The following CAPN8 variants were observed in gnomAD, a reference collection of about 807,000 sequenced individuals.
CAPN8 encodes the protein calpain 8.
CAPN8 carries 87 observed loss-of-function variants against 80.9 expected under a neutral mutation model. That is an observed-to-expected ratio of 1.07 (90% confidence interval 0.90 to 1.28). The LOEUF is 1.28. CAPN8 is among the 50% of genes most tolerant of loss of function. The pLI, the probability that CAPN8 is intolerant of heterozygous loss-of-function variation, is 0.00. For synonymous variants in CAPN8, 299 were observed against 273.8 expected (o/e 1.09, Z -0.91); for missense variants, 757 against 702.0 (o/e 1.08, Z -0.89).
intron 20 of CAPN8, among the ~76,000 whole-genome samples, chr1:223,542,547 G>C (rs1284614098): frequency 6.6e-6 from 1 of 152,096 alleles, no homozygotes; most frequent in African/African-American, 2.4e-5. Flanking sequence ...CAAGTCAAAG[G>C]CCAATGCCTC....
intron 6 of CAPN8, among the ~76,000 whole-genome samples, chr1:223,623,469 G>A (rs893948821): frequency 8.5e-5 from 13 of 152,116 alleles, no homozygotes; most frequent in Non-Finnish European, 1.0e-4. Flanking sequence ...CAGGCAGTCC[G>A]TCTCCAAAGC....
At chr1:223,634,117 C>A (rs1043194680) in intron 2 of CAPN8, among the ~76,000 whole-genome samples, 1 of 152,172 alleles carries the variant, frequency 6.6e-6, no homozygotes, top group Non-Finnish European at 1.5e-5. Context: ...AGATGAGAGA[C>A]AACGGAAGTG....
Position 223,622,886 on chromosome 1 carries a change from G to T in CAPN8, c.828C>A (p.Gly276=). 1 of 1,551,614 alleles carries T rather than the reference G, an allele frequency of 6.4e-7. No homozygotes were observed. The highest frequency in any genetic ancestry group is 8.7e-7 in the Non-Finnish European group (1 of 1,146,912). ...VTGVEEVNFQ[G]HPEKLIRLRN... ...TGAGTCTGATCAGCTTCTCTGGATGGCCCTGGAAATTCACCTGCAAATTCC... is the reference window on the plus strand; with the variant it reads ...TGAGTCTGATCAGCTTCTCTGGATGTCCCTGGAAATTCACCTGCAAATTCC... The change falls in exon 7 of 21, where the codon GGC becomes GGA. Residue 276 remains glycine, a synonymous_variant. Transcript: ENST00000366872.
intron 6 of CAPN8, among the ~76,000 whole-genome samples, chr1:223,624,142 A>G (rs1450058007): frequency 3.3e-5 from 5 of 152,160 alleles, no homozygotes; most frequent in African/African-American, 1.2e-4. Context: ...AAGTGGTGCA[A>G]TCACTGCAGG....
chr1:223,665,635 C>A lies in CAPN8; in HGVS notation c.12G>T (p.Gln4His). MAA[Q>H]AAGVSRQRAA... is the part of the protein sequence containing the mutation. The stretch of plus-strand genomic sequence containing the variant: ...CCCGCTGCCTAGATACACCAGCTGC[C>A]TGGGCTGCCATGGCCGTGGGCTCTG... The change falls in exon 1 of 21, where the codon CAG (glutamine) becomes CAT (histidine). Residue 4 changes from glutamine (Q) to histidine (H), a missense_variant. By Grantham distance (24) the Gln-to-His change is conservative. Coordinates refer to ENST00000366872, the MANE Select transcript of CAPN8 (RefSeq NM_001143962.2). 1 of 1,551,366 alleles carries A rather than the reference C, an allele frequency of 6.4e-7. No individual in the cohort carries two copies. The highest frequency in any genetic ancestry group is 1.7e-4 in the Middle Eastern group (1 of 5,730).
intron 1 of CAPN8, among the ~76,000 whole-genome samples, chr1:223,663,371 C>T (rs182157021): frequency 5.9e-5 from 9 of 152,294 alleles, no homozygotes; most frequent in African/African-American, 2.2e-4. Flanking sequence ...CCCTTGGGAT[C>T]TGCAATGGTA....
chr1:223,665,551 G>A lies in CAPN8; in HGVS notation c.96C>T (p.Phe32=). 6.4e-7 allele frequency: 1 copy of A among 1,551,722 alleles called. No homozygotes were observed. Among genetic ancestry groups the A allele is most frequent in the Non-Finnish European group, 8.7e-7 (1 of 1,147,010 alleles). The part of the protein sequence containing the change: ...QNALKYLGQD[F]KTLRQQCLDS... ...CCAAGCACTGTTGCCTCAGGGTCTT[G>A]AAATCCTGGCCCAAGTACTTCAAAG... The change falls in exon 1 of 21, where the codon TTC becomes TTT. Residue 32 remains phenylalanine, a synonymous_variant. Coordinates refer to ENST00000366872, the MANE Select transcript of CAPN8 (RefSeq NM_001143962.2).
At chr1:223,625,725 C>T in intron 6 of CAPN8, 80 bp downstream of exon 6, 2 of 1,288,390 alleles carry the variant, frequency 1.6e-6, no homozygotes, top group South Asian at 1.3e-5. Flanking sequence ...TAGTAATCAC[C>T]TCTTTCCTCC....
chr1:223,622,150 G>C (rs1657417358), intron 7 of CAPN8, among the ~76,000 whole-genome samples: 3 of 152,152 alleles, frequency 2.0e-5, no homozygotes, highest in Admixed American at 2.0e-4. Context: ...ACCTGCCTCT[G>C]CCAGGCCAGC....
intron 2 of CAPN8, chr1:223,642,772 A>C (rs1161516033): frequency 2.2e-6 from 1 of 455,376 alleles, no homozygotes; most frequent in East Asian, 7.0e-5. Context: ...TGTTCAGATT[A>C]TTTCAGAGTT....
chr1:223,545,355 T>C, intron 16 of CAPN8, 56 bp from the exon 17 acceptor site: 1 of 1,550,140 alleles, frequency 6.5e-7, no homozygotes, highest in East Asian at 2.4e-5. Flanking sequence ...CCTTATAGAT[T>C]TCTTTCTCTT....
At chr1:223,647,779 G>A (rs1558354959) in intron 2 of CAPN8, among the ~76,000 whole-genome samples, 1 of 152,166 alleles carries the variant, frequency 6.6e-6, no homozygotes, top group Admixed American at 6.5e-5. Context: ...ATCAAAATAT[G>A]TTTTTTAAAA....
intron 17 of CAPN8, 181 bp from the exon 18 acceptor site, chr1:223,545,031 C>T: frequency 7.1e-7 from 1 of 1,401,132 alleles, no homozygotes; most frequent in African/African-American, 1.4e-5. Flanking sequence ...GGCCCCTTTG[C>T]TGTCTGAACA....
chr1:223,620,862 AC>A (rs1175957434), intron 7 of CAPN8, among the ~76,000 whole-genome samples: 1 of 152,042 alleles, frequency 6.6e-6, no homozygotes, highest in African/African-American at 2.4e-5. Context: ...ATATCTATGC[AC>A]TTTGTTTGAA....
At chr1:223,618,262 T>A (rs904775876) in intron 9 of CAPN8, 1 of 1,550,462 alleles carries the variant, frequency 6.4e-7, no homozygotes, top group Non-Finnish European at 8.7e-7. Context: ...CTGCCTCAGC[T>A]GATTCAACCT....
At chr1:223,616,320 T>C (rs1017475675) in intron 9 of CAPN8, among the ~76,000 whole-genome samples, 175 bp from the exon 10 acceptor site, 4 of 152,212 alleles carry the variant, frequency 2.6e-5, no homozygotes, top group African/African-American at 9.7e-5. Flanking sequence ...CATTTCCTCC[T>C]ACCTTCCTAC....
rs541489689 is a variant in CAPN8 at position 223,619,403 on chromosome 1, T to G, written c.1025A>C (p.Asn342Thr). 1.2e-4 allele frequency: 185 copies of G among 1,551,582 alleles called. No individual in the cohort carries two copies. In the African/African-American group the frequency reaches 2.4e-3, roughly 20 times the overall value. ...VRQFSRLEIC[N>T]LSPDSLSSEE... is the part of the protein sequence containing the mutation. ...GCTACTCAGAGAGTCCGGGGACAGG[T>G]TGCAGATCTCCAACCGAGAGAACTG... Residue 342 changes from asparagine to threonine, a missense_variant, in exon 9 of 21, where the codon AAC becomes ACC. Asn to Thr is a moderately conservative substitution (Grantham distance 65). Coordinates refer to ENST00000366872, the MANE Select transcript of CAPN8 (RefSeq NM_001143962.2).
chr1:223,609,914 C>T (rs1050197744), intron 11 of CAPN8, among the ~76,000 whole-genome samples: 1 of 152,210 alleles, frequency 6.6e-6, no homozygotes, highest in African/African-American at 2.4e-5. Context: ...GAGGGGGCGG[C>T]CACAGCTAGG....
chr1:223,665,620 A>C lies in CAPN8; in HGVS notation c.27T>G (p.Ser9=). 6.4e-7 allele frequency: 1 copy of C among 1,551,556 alleles called. No homozygotes were observed. Among genetic ancestry groups the C allele is most frequent in the Non-Finnish European group, 8.7e-7 (1 of 1,146,986 alleles). The change falls in exon 1 of 21, where the codon TCT becomes TCG. Residue 9 remains serine, a synonymous_variant. Coordinates refer to ENST00000366872, the MANE Select transcript of CAPN8 (RefSeq NM_001143962.2). MAAQAAGV[S]RQRAATQGLG... is the part of the protein sequence containing the mutation. ...GACCTTGAGTGGCTGCCCGCTGCCTAGATACACCAGCTGCCTGGGCTGCCA... is the reference window on the plus strand; with the variant it reads ...GACCTTGAGTGGCTGCCCGCTGCCTCGATACACCAGCTGCCTGGGCTGCCA...
Sources: allele counts gnomAD v4.1 joint callset (sites outside exome capture counted in the v4.1 genomes callset), GRCh38; gene constraint gnomAD v4.1.1; transcripts MANE v1.5; gene names NCBI Gene and HGNC (gene_info 2026-07-23, HGNC 2026-07-21).